The following CCDC126 variants were observed in gnomAD, a reference collection of about 807,000 sequenced individuals.
CCDC126 encodes the protein coiled-coil domain-containing protein 126.
Under a neutral mutation model 11.7 loss-of-function variants are expected in CCDC126, and 5 were observed. The observed-to-expected ratio is 0.43, with a 90% CI of 0.22 to 0.90. The LOEUF (loss-of-function observed/expected upper bound fraction) is 0.90, where lower values mean the gene tolerates loss of function less well. Among genes scored for constraint, CCDC126 ranks in the 40% least tolerant of loss-of-function variants. The pLI is 0.27. For missense variants in CCDC126, 150 were observed against 163.1 expected, an observed-to-expected ratio of 0.92 and a Z score of 0.44; for synonymous variants, 60 against 61.9, an observed-to-expected ratio of 0.97 and a Z score of 0.14.
At position 23,597,557 on chromosome 7, in the gene CCDC126, C is replaced by T. The variant is rs957654473; in HGVS notation, c.-279C>T. 4.6e-5 allele frequency: 7 copies of T among 152,286 alleles called. No homozygotes were observed. Among genetic ancestry groups the T allele is most frequent in the African/African-American group, 1.7e-4 (7 of 41,476 alleles). 9.4% of individuals were successfully genotyped at this position (152,286 alleles called of 1,614,324 possible). On this transcript the variant is annotated 5_prime_UTR_variant, in exon 1 of 4. Coordinates refer to ENST00000307471, the MANE Select transcript of CCDC126 (RefSeq NM_138771.4). ...ATTAGCTCTCGCTGCGTCGCCCCGG[C>T]TCAGAAGCTCCGTGGCGGCGGCGAC...
In CCDC126 at chr7:23,644,503, AATAT is replaced by A. The variant is rs550498190; in HGVS notation, c.*1389_*1392del. 2.6e-5 allele frequency: 4 copies of A among 152,540 alleles called. No homozygotes were observed. Among genetic ancestry groups the A allele is most frequent in the Non-Finnish European group, 5.9e-5 (4 of 67,954 alleles). The allele number at this position is 152,540 out of a possible 1,614,324, so 9.4% of individuals were successfully genotyped here. The stretch of plus-strand genomic sequence containing the variant: ...ATAATTACAATATTTTATTAAAATA[AATAT>A]GTGAAATATTGTTTCATGAAAGACA... On this transcript the variant is annotated 3_prime_UTR_variant, in exon 4 of 4. Coordinates refer to ENST00000307471, the MANE Select transcript of CCDC126 (RefSeq NM_138771.4).
intron 3 of CCDC126, among the ~76,000 whole-genome samples, chr7:23,638,162 C>T (rs1783276604): frequency 6.6e-6 from 1 of 151,132 alleles, no homozygotes; most frequent in Non-Finnish European, 1.5e-5. Flanking sequence ...CCGGCCGCCC[C>T]TACTGGGAAG....
intron 3 of CCDC126, among the ~76,000 whole-genome samples, chr7:23,616,134 T>G (rs888287335): frequency 3.9e-5 from 6 of 152,238 alleles, no homozygotes; most frequent in African/African-American, 1.4e-4. Flanking sequence ...GTATCGATTT[T>G]TGCTTCTTTG....
Position 23,643,033 on chromosome 7 carries a change from C to A in CCDC126, c.341C>A (p.Ala114Asp), listed in dbSNP as rs374741155. The part of the protein sequence containing the change: ...VDYIVVNGSA[A>D]NTTNGTSGNL... Reference sequence around the variant, plus strand: ...TATATTGTTGTGAATGGCTCAGCAGCCAACACCACCAATGGTACTAGTGGG... The same window carrying A: ...TATATTGTTGTGAATGGCTCAGCAGACAACACCACCAATGGTACTAGTGGG... Residue 114 changes from alanine (A) to aspartate (D), a missense_variant, in exon 4 of 4, where the codon GCC becomes GAC. Coordinates refer to ENST00000307471, the MANE Select transcript of CCDC126 (RefSeq NM_138771.4). 6.1e-5 allele frequency: 99 copies of A among 1,613,966 alleles called. No homozygotes were observed. The highest frequency in any genetic ancestry group is 4.9e-4 in the Middle Eastern group (3 of 6,084).
At chr7:23,636,197 G>A (rs1278075121) in intron 3 of CCDC126, among the ~76,000 whole-genome samples, 3 of 152,180 alleles carry the variant, frequency 2.0e-5, no homozygotes, top group Admixed American at 6.5e-5. Context: ...GTGCAGTGGC[G>A]TGATCTCGGC....
intron 3 of CCDC126, among the ~76,000 whole-genome samples, chr7:23,615,141 G>A (rs114036810): frequency 0.018 from 2,762 of 152,266 alleles, 100 homozygotes; most frequent in African/African-American, 0.063. Context: ...ACTTAGTATA[G>A]CCACCTTCAT....
intron 3 of CCDC126, among the ~76,000 whole-genome samples, chr7:23,625,215 G>A (rs1782992865): frequency 6.6e-6 from 1 of 152,076 alleles, no homozygotes; most frequent in Non-Finnish European, 1.5e-5. Context: ...AACTTTTTTT[G>A]TGTGTTTTAT....
chr7:23,624,670 A>G (rs1370804251), intron 3 of CCDC126, among the ~76,000 whole-genome samples: 1 of 152,120 alleles, frequency 6.6e-6, no homozygotes, highest in African/African-American at 2.4e-5. Flanking sequence ...TAGTTTTCCA[A>G]CCTGTGGTAC....
intron 3 of CCDC126, among the ~76,000 whole-genome samples, chr7:23,633,348 AT>A: frequency 6.6e-6 from 1 of 151,814 alleles, no homozygotes; most frequent in East Asian, 1.9e-4. Flanking sequence ...GACATAATTT[AT>A]TAAGCACTGA....
chr7:23,639,930 C>CCTTTT (rs2128023011), intron 3 of CCDC126, among the ~76,000 whole-genome samples: 1 of 152,258 alleles, frequency 6.6e-6, no homozygotes, highest in South Asian at 2.1e-4. Flanking sequence ...AATCCCAGCA[C>CCTTTT]TTTGGGAGGC....
intron 3 of CCDC126, among the ~76,000 whole-genome samples, chr7:23,631,846 G>A (rs1361945692): frequency 1.3e-5 from 2 of 151,886 alleles, no homozygotes; most frequent in African/African-American, 4.8e-5. Context: ...TTTTGCTGGA[G>A]AATTTTCTCT....
intron 2 of CCDC126, among the ~76,000 whole-genome samples, chr7:23,609,989 A>G (rs1782682227): frequency 6.6e-6 from 1 of 152,172 alleles, no homozygotes; most frequent in South Asian, 2.1e-4. Flanking sequence ...ATTTTGCTCC[A>G]TTTGATGTAG....
At chr7:23,631,684 C>T (rs943750463) in intron 3 of CCDC126, among the ~76,000 whole-genome samples, 1 of 151,918 alleles carries the variant, frequency 6.6e-6, no homozygotes, top group Non-Finnish European at 1.5e-5. Context: ...TTGCTTGAAC[C>T]CTAGAGGCAG....
rs1783410741 is a variant in CCDC126, at chr7:23,643,855, A to G, written c.*740A>G. ...TCTTATACTTATTGAAGAATAAAAG[A>G]TATTTTTATGATGAGAGTAACAATA... On this transcript the variant is annotated 3_prime_UTR_variant, in exon 4 of 4. Coordinates refer to ENST00000307471, the MANE Select transcript of CCDC126 (RefSeq NM_138771.4). 6.6e-6 allele frequency: 1 copy of G among 152,182 alleles called. No individual in the cohort carries two copies. Among genetic ancestry groups the G allele is most frequent in the Admixed American group, 6.5e-5 (1 of 15,278 alleles). 9.4% of individuals were successfully genotyped at this position (152,182 alleles called of 1,614,324 possible).
rs536611108 is a variant in CCDC126 at position 23,643,551 on chromosome 7, C to A, written c.*436C>A. 4 of 154,022 alleles carry A rather than the reference C, an allele frequency of 2.6e-5. No individual in the cohort carries two copies. The Admixed American group carries it at 2.6e-4, about 10-fold the overall frequency. The allele number at this position is 154,022 out of a possible 1,614,324, so 9.5% of individuals were successfully genotyped here. A position where few individuals can be genotyped will look rare whatever the true frequency, so the allele number is the denominator to read the frequency against. The stretch of plus-strand genomic sequence containing the variant: ...CTCAATAGATGTAACTGTTAGACTA[C>A]GGCTATTTGAAAAAATGTGCTTATT... On this transcript the variant is annotated 3_prime_UTR_variant, in exon 4 of 4. Coordinates refer to ENST00000307471, the MANE Select transcript of CCDC126 (RefSeq NM_138771.4).
intron 3 of CCDC126, among the ~76,000 whole-genome samples, chr7:23,619,017 G>A (rs910963297): frequency 6.6e-6 from 1 of 152,110 alleles, no homozygotes; most frequent in Non-Finnish European, 1.5e-5. Flanking sequence ...GGATCTGAGC[G>A]AGAGAAAAAG....
intron 3 of CCDC126, among the ~76,000 whole-genome samples, chr7:23,628,187 A>G (rs1041870275): frequency 6.6e-5 from 10 of 152,170 alleles, no homozygotes; most frequent in African/African-American, 1.4e-4. Context: ...ATCCTCATCT[A>G]TGTTATGCAT....
intron 2 of CCDC126, among the ~76,000 whole-genome samples, chr7:23,610,534 C>T (rs535319841): frequency 7.8e-4 from 119 of 152,166 alleles, no homozygotes; most frequent in African/African-American, 2.6e-3. Context: ...TAGTACTTGC[C>T]GTTAAATGAT....
chr7:23,603,191 T>A (rs1351918063), intron 2 of CCDC126, among the ~76,000 whole-genome samples: 1 of 152,254 alleles, frequency 6.6e-6, no homozygotes, highest in Non-Finnish European at 1.5e-5. Context: ...TTACTTCATA[T>A]GTTTTTATCT....
Sources: gnomAD v4.1 joint callset for allele counts (sites outside exome capture counted in the v4.1 genomes callset) on GRCh38, gnomAD v4.1.1 for gene constraint, MANE v1.5 for transcripts, NCBI Gene and HGNC (gene_info 2026-07-23, HGNC 2026-07-21) for gene names.